Variants in ATAD2B observed in about 807,000 individuals in gnomAD.
ATAD2B encodes the protein ATPase family AAA domain-containing protein 2B.
Under a neutral mutation model 167.6 loss-of-function variants are expected in ATAD2B, and 40 were observed. That is an observed-to-expected ratio of 0.24 (90% CI 0.19 to 0.31). The LOEUF (loss-of-function observed/expected upper bound fraction) is 0.31, where lower values mean the gene tolerates loss of function less well. ATAD2B is among the 10% of genes least tolerant of loss of function. The pLI, the probability that ATAD2B is intolerant of heterozygous loss-of-function variation, is 1.00. For synonymous variants in ATAD2B, 579 were observed against 596.5 expected (o/e 0.97, Z 0.43); for missense variants, 1,242 against 1,757.2 (o/e 0.71, Z 5.24).
At position 23,895,853 on chromosome 2, in the gene ATAD2B, G is replaced by A; in HGVS notation, c.334C>T (p.Arg112Ter). Reference sequence around the variant, plus strand: ...CCAGTTGATAAGTTCCATTCCTCTCGCTGACCAGTACTTCGTGATTTTGAT... The same window carrying A: ...CCAGTTGATAAGTTCCATTCCTCTCACTGACCAGTACTTCGTGATTTTGAT... ...DKSKSRSTGQREEWNLSTGQA... is the reference protein window; with the variant it reads ...DKSKSRSTGQ Residue 112 changes from arginine (R) to a stop codon, truncating the protein, a stop_gained, in exon 2 of 28, where the codon CGA (arginine) becomes TGA (stop). Transcript: ENST00000238789. LOFTEE classifies it high-confidence loss of function. 1 of 1,611,198 alleles carries A rather than the reference G, an allele frequency of 6.2e-7. No individual in the cohort carries two copies. The highest frequency in any genetic ancestry group is 8.5e-7 in the Non-Finnish European group (1 of 1,178,338).
At chr2:23,756,436 G>A (rs1050408955) in intron 25 of ATAD2B, among the ~76,000 whole-genome samples, 1 of 151,988 alleles carries the variant, frequency 6.6e-6, no homozygotes, top group Admixed American at 6.6e-5. Context: ...CCAGGCTGAA[G>A]CTGTGTTCTC....
the ATAD2B span, among the ~76,000 whole-genome samples, chr2:23,683,788 T>C: frequency 6.6e-6 from 1 of 152,126 alleles, no homozygotes; most frequent in African/African-American, 2.4e-5. Flanking sequence ...CCTTGCTTGC[T>C]TGCTTTCCCG....
chr2:23,827,110 T>G (rs1479133915), intron 15 of ATAD2B, among the ~76,000 whole-genome samples: 2 of 152,042 alleles, frequency 1.3e-5, no homozygotes, highest in Admixed American at 1.3e-4. Context: ...AACCGGTTTC[T>G]CAGATGGAAT....
intron 15 of ATAD2B, among the ~76,000 whole-genome samples, chr2:23,826,573 T>C (rs528939301): frequency 6.6e-6 from 1 of 152,150 alleles, no homozygotes; most frequent in Non-Finnish European, 1.5e-5. Context: ...GAAATTGTTC[T>C]AAAAAGACTG....
chr2:23,684,359 T>C, the ATAD2B span: 4 of 1,344,128 alleles, frequency 3.0e-6, no homozygotes, highest in South Asian at 6.3e-5. This position sits in a 1 kb window ranked among gnomAD's most constrained non-coding sequence, Gnocchi z 4.4. Flanking sequence ...AAAAAACTCT[T>C]AATGGGAACC....
chr2:23,704,125 G>A, the ATAD2B span, among the ~76,000 whole-genome samples: 1 of 152,206 alleles, frequency 6.6e-6, no homozygotes, highest in Non-Finnish European at 1.5e-5. Flanking sequence ...AAGGCATCAA[G>A]GCTACCCTGC....
intron 19 of ATAD2B, among the ~76,000 whole-genome samples, chr2:23,797,007 A>T (rs1682729911): frequency 6.6e-6 from 1 of 152,172 alleles, no homozygotes; most frequent in Admixed American, 6.5e-5. Flanking sequence ...ATACTATCAG[A>T]TATTGAATAA....
At chr2:23,866,831 T>A (rs1695212227) in intron 10 of ATAD2B, among the ~76,000 whole-genome samples, 2 of 152,220 alleles carry the variant, frequency 1.3e-5, no homozygotes, top group Admixed American at 1.3e-4. Context: ...TATAGAGAGA[T>A]TTTTGGGAAA....
chr2:23,848,704 T>G (rs1469894906), intron 13 of ATAD2B, among the ~76,000 whole-genome samples: 2 of 152,094 alleles, frequency 1.3e-5, no homozygotes, highest in African/African-American at 4.8e-5. Context: ...ATAAAAAATA[T>G]TCAACTAATC....
At chr2:23,793,321 A>G (rs889362159) in intron 19 of ATAD2B, among the ~76,000 whole-genome samples, 2 of 152,244 alleles carry the variant, frequency 1.3e-5, no homozygotes, top group African/African-American at 4.8e-5. Flanking sequence ...TTAATAACAA[A>G]GCAGATACTG....
chr2:23,881,934 G>C (rs1218295029), intron 6 of ATAD2B, among the ~76,000 whole-genome samples: 1 of 151,444 alleles, frequency 6.6e-6, no homozygotes, highest in Non-Finnish European at 1.5e-5. Flanking sequence ...CATTGACCAA[G>C]CTGGTCTTGA....
downstream of ATAD2B, among the ~76,000 whole-genome samples, chr2:23,744,282 A>ATT (rs142964412): frequency 2.0e-3 from 294 of 145,008 alleles, no homozygotes; most frequent in African/African-American, 5.5e-3. Flanking sequence ...TCCTGGGAGA[A>ATT]TTTTTTTTTT....
In ATAD2B at chr2:23,887,774, G is replaced by A. The variant is rs190951055; in HGVS notation, c.572+58C>T. The A allele has an allele frequency of 1.3e-4, 181 of 1,398,730 alleles. 1 individual carries two copies. The Admixed American group carries it at 2.1e-3, about 16-fold the overall frequency. 86.6% of individuals were successfully genotyped at this position (1,398,730 alleles called of 1,614,324 possible). On this transcript the variant is annotated intron_variant, in intron 4 of 27. Coordinates refer to ENST00000238789, the MANE Select transcript of ATAD2B (RefSeq NM_017552.4). ...GTTGCTTATGTTATTTTTTTAAAAC[G>A]TAACTGTCTTAAAAACCAAATAATT...
intron 22 of ATAD2B, among the ~76,000 whole-genome samples, chr2:23,781,703 C>T (rs537947895): frequency 1.2e-4 from 18 of 149,926 alleles, no homozygotes; most frequent in Non-Finnish European, 2.1e-4. Context: ...AATGACCAAA[C>T]ATAATCCTGA....
chr2:23,911,420 T>C (rs1189532305), intron 1 of ATAD2B, among the ~76,000 whole-genome samples: 1 of 151,906 alleles, frequency 6.6e-6, no homozygotes. Context: ...CCAGGCGTAG[T>C]GGCACATGCT....
chr2:23,803,913 C>T (rs1473544294), intron 18 of ATAD2B, among the ~76,000 whole-genome samples: 1 of 152,078 alleles, frequency 6.6e-6, no homozygotes, highest in Admixed American at 6.6e-5. Context: ...CATTTTAGAG[C>T]CTGGGGAAAA....
At chr2:23,725,347 G>A in the ATAD2B span, among the ~76,000 whole-genome samples, 45 of 152,206 alleles carry the variant, frequency 3.0e-4, no homozygotes, top group African/African-American at 1.1e-3. Flanking sequence ...AATAAAACCT[G>A]GACTTCATCA....
intron 13 of ATAD2B, among the ~76,000 whole-genome samples, chr2:23,850,611 GGA>G (rs1185491553): frequency 6.6e-6 from 1 of 152,134 alleles, no homozygotes; most frequent in Non-Finnish European, 1.5e-5. Flanking sequence ...GCAAAATTAT[GGA>G]GATAGTAAAA....
intron 1 of ATAD2B, among the ~76,000 whole-genome samples, chr2:23,916,114 G>C (rs1032836917): frequency 6.6e-6 from 1 of 152,090 alleles, no homozygotes; most frequent in African/African-American, 2.4e-5. Context: ...AATTCTTCCA[G>C]AAGTACATAA....
Sources: gnomAD v4.1 joint callset for allele counts (sites outside exome capture counted in the v4.1 genomes callset) on GRCh38, gnomAD v4.1.1 for gene constraint, Gnocchi (gnomAD v3.1) non-coding constraint, MANE v1.5 for transcripts, NCBI Gene and HGNC (gene_info 2026-07-23, HGNC 2026-07-21) for gene names.